Variants in EP400 observed in about 807,000 individuals in gnomAD.
EP400 encodes the protein E1A binding protein p400.
EP400 carries 105 observed loss-of-function variants against 354.1 expected under a neutral mutation model. The ratio of observed to expected loss-of-function variants is 0.30; its 90% CI spans 0.25 to 0.35. The LOEUF is 0.35. EP400 is among the 10% of genes least tolerant of loss of function. The probability of loss-of-function intolerance (pLI) is 1.00; values close to 1 mark genes in which losing one functional copy is unlikely to be tolerated. For synonymous variants in EP400, 1,646 were observed against 1,716.9 expected, an observed-to-expected ratio of 0.96 and a Z score of 1.02; for missense variants, 3,280 against 4,121.0, an observed-to-expected ratio of 0.80 and a Z score of 5.59.
chr12:132,035,838 C>T (rs542106124), intron 30 of EP400, among the ~76,000 whole-genome samples: 56 of 144,036 alleles, frequency 3.9e-4, no homozygotes, highest in African/African-American at 1.4e-3. Context: ...AAGGACACAC[C>T]CAGGTTCACA....
At chr12:132,014,997 G>A (rs551329844) in intron 19 of EP400, among the ~76,000 whole-genome samples, 1 of 152,228 alleles carries the variant, frequency 6.6e-6, no homozygotes, top group Middle Eastern at 3.4e-3. Context: ...CTCTGCTCTG[G>A]GTCTCCCTCT....
intron 15 of EP400, among the ~76,000 whole-genome samples, chr12:132,007,090 A>G (rs1015378949): frequency 6.6e-6 from 1 of 152,220 alleles, no homozygotes; most frequent in African/African-American, 2.4e-5. Context: ...GTGAAAATCT[A>G]ATAAAATACA....
At chr12:132,063,413 A>G (rs1279446897) in intron 47 of EP400, among the ~76,000 whole-genome samples, 1 of 152,130 alleles carries the variant, frequency 6.6e-6, no homozygotes, top group Non-Finnish European at 1.5e-5. Context: ...AGGCCCAAGA[A>G]TCGCTTGAAC....
At position 132,044,713 on chromosome 12, in the gene EP400, C is replaced by A. The variant is rs777482044; in HGVS notation, c.6628C>A (p.Pro2210Thr). The change falls in exon 36 of 53, where the codon CCG (proline) becomes ACG (threonine). Residue 2210 changes from proline to threonine, a missense_variant and splice_region_variant. Pro to Thr is a conservative substitution (Grantham distance 38, BLOSUM62 -1). Coordinates refer to ENST00000389561, the MANE Select transcript of EP400 (RefSeq NM_015409.5). ...TGTCGATGGGCAGACAGAAGTCATG[C>A]CGGTGAGTGCTGCCCTCTCCCTTTG... ...EDVDGQTEVM[P>T]LWTPPTPPQD... 1.1e-4 allele frequency: 171 copies of A among 1,614,076 alleles called. 1 individual carries two copies. Among genetic ancestry groups the A allele is most frequent in the Non-Finnish European group, 1.4e-4 (168 of 1,180,048 alleles).
chr12:131,950,332 G>T (rs1213422974), intron 1 of EP400, among the ~76,000 whole-genome samples: 1 of 152,136 alleles, frequency 6.6e-6, no homozygotes, highest in Non-Finnish European at 1.5e-5. Context: ...CGTGGCCGAG[G>T]GCAGCTCGGC....
chr12:132,068,177 T>A (rs1201674809), intron 50 of EP400: 2 of 152,556 alleles, frequency 1.3e-5, no homozygotes, highest in East Asian at 3.9e-4. Flanking sequence ...GGATGGCTGG[T>A]GTGGGCCCTC....
chr12:132,022,774 C>T (rs1460457746), intron 23 of EP400, among the ~76,000 whole-genome samples: 4 of 151,158 alleles, frequency 2.6e-5, no homozygotes, highest in Admixed American at 6.6e-5. Context: ...CTTTATGTAT[C>T]TAGAGGCATT....
intron 2 of EP400, among the ~76,000 whole-genome samples, chr12:131,979,341 G>C (rs1345388995): frequency 1.3e-5 from 2 of 152,208 alleles, no homozygotes; most frequent in South Asian, 2.1e-4. Context: ...ATGCTGGGCA[G>C]TGTGACTGAT....
chr12:132,053,966 G>T (rs1895396776), intron 43 of EP400, among the ~76,000 whole-genome samples: 1 of 152,236 alleles, frequency 6.6e-6, no homozygotes, highest in Non-Finnish European at 1.5e-5. Context: ...AGCAGGTACT[G>T]CCTGTGTCGG....
chr12:131,952,511 G>T (rs1435006945), intron 1 of EP400, among the ~76,000 whole-genome samples: 1 of 151,958 alleles, frequency 6.6e-6, no homozygotes, highest in Non-Finnish European at 1.5e-5. Flanking sequence ...CACCCAGGCT[G>T]GAGTGCAGTG....
chr12:131,958,893 G>A (rs1891788201), intron 1 of EP400, among the ~76,000 whole-genome samples: 1 of 152,210 alleles, frequency 6.6e-6, no homozygotes, highest in Non-Finnish European at 1.5e-5. Flanking sequence ...AAGCAGTGAT[G>A]TCCTTGCGAT....
chr12:132,054,945 A>T lies in EP400; in HGVS notation c.7729-29A>T, dbSNP rs564794613. 1.2e-6 allele frequency: 2 copies of T among 1,609,934 alleles called. No individual in the cohort carries two copies. Among genetic ancestry groups the T allele is most frequent in the Admixed American group, 3.3e-5 (2 of 59,862 alleles). On this transcript the variant is annotated intron_variant, in intron 43 of 52. Transcript: ENST00000389561. This position sits in a 1 kb window ranked among gnomAD's most constrained non-coding sequence, Gnocchi z 4.0. ...TATGCAGGGGAGAGCCTGACGTGAA[A>T]TTCAAATGGATTTTTTTTTTTTAAA...
chr12:132,037,808 A>G lies in EP400; in HGVS notation c.6063+15A>G, dbSNP rs188880727. Reference sequence around the variant, plus strand: ...TCTTAACTCAGGTACTCCTTATTCAATGAGAGGCCTGAGGTGAGACCCGCC... The same window carrying G: ...TCTTAACTCAGGTACTCCTTATTCAGTGAGAGGCCTGAGGTGAGACCCGCC... On this transcript the variant is annotated intron_variant, in intron 31 of 52. Transcript: ENST00000389561. 7.5e-5 allele frequency: 121 copies of G among 1,613,774 alleles called. No individual in the cohort carries two copies. Among genetic ancestry groups the G allele is most frequent in the Admixed American group, 4.3e-4 (26 of 60,022 alleles).
intron 2 of EP400, among the ~76,000 whole-genome samples, chr12:131,973,471 A>G (rs1448652927): frequency 6.6e-6 from 1 of 152,132 alleles, no homozygotes; most frequent in Non-Finnish European, 1.5e-5. Context: ...GCAAAACCCC[A>G]TCTCTACCAA....
At position 132,078,710 on chromosome 12, in the gene EP400, G is replaced by A. The variant is rs1326114219; in HGVS notation, c.*1037G>A. 6.6e-6 allele frequency: 1 copy of A among 152,242 alleles called. No individual in the cohort carries two copies. The highest frequency in any genetic ancestry group is 2.4e-5 in the African/African-American group (1 of 41,458). The allele number at this position is 152,242 out of a possible 1,614,324, so 9.4% of individuals were successfully genotyped here. On this transcript the variant is annotated 3_prime_UTR_variant, in exon 53 of 53. Coordinates refer to ENST00000389561, the MANE Select transcript of EP400 (RefSeq NM_015409.5). ...GATTCTGGAAGTATTGGCTATAGCG[G>A]TGGGCCCAGTCAACTCTTCCTTGTG...
chr12:131,986,560 C>G lies in EP400; in HGVS notation c.1976C>G (p.Pro659Arg), dbSNP rs199885825. Reference protein sequence around the residue: ...RLPVDPAPPCPRPLPTSSTSS... With the variant: ...RLPVDPAPPCRRPLPTSSTSS... ...CCTGTGGACCCTGCCCCGCCCTGCCCACGGCCTCTGCCCACCTCTTCTACC... is the reference window on the plus strand; with the variant it reads ...CCTGTGGACCCTGCCCCGCCCTGCCGACGGCCTCTGCCCACCTCTTCTACC... The change falls in exon 6 of 53, where the codon CCA becomes CGA. Residue 659 changes from proline (P) to arginine (R), a missense_variant. This residue lies in a region of EP400 where 800 missense variants were observed against 840.0 expected (regional missense o/e 0.95). Transcript: ENST00000389561. The G allele has an allele frequency of 1.2e-6, 2 of 1,613,718 alleles. No individual in the cohort carries two copies. The highest frequency in any genetic ancestry group is 1.7e-6 in the Non-Finnish European group (2 of 1,179,902).
intron 45 of EP400, among the ~76,000 whole-genome samples, chr12:132,057,275 G>A (rs1895544882): frequency 2.6e-5 from 4 of 152,212 alleles, no homozygotes; most frequent in Admixed American, 2.6e-4. Context: ...CCTTCAGCTG[G>A]TGAATGGGCT....
chr12:132,030,741 G>C (rs896374788), intron 29 of EP400, among the ~76,000 whole-genome samples: 2 of 152,218 alleles, frequency 1.3e-5, no homozygotes, highest in African/African-American at 4.8e-5. Context: ...TTGTTGAAAT[G>C]TTTATGGTAA....
In EP400 at chr12:132,050,246, C is replaced by A. The variant is rs904110233; in HGVS notation, c.7201-77C>A. On this transcript the variant is annotated intron_variant, in intron 39 of 52. Transcript: ENST00000389561. The surrounding 1 kb of genome is among the most constrained non-coding windows in gnomAD (Gnocchi z 4.8). ...GGGGAGTTTAGCCTCAGATTCCCAC[C>A]CAGTGAGCCCTGTGTCCCACGCAGC... 6 of 1,545,824 alleles carry A rather than the reference C, an allele frequency of 3.9e-6. No individual in the cohort carries two copies. The highest frequency in any genetic ancestry group is 5.3e-6 in the Non-Finnish European group (6 of 1,138,150).
Sources: gnomAD v4.1 joint callset for allele counts (sites outside exome capture counted in the v4.1 genomes callset) on GRCh38, gnomAD v4.1.1 for gene constraint, gnomAD v4.1.1 regional missense constraint, Gnocchi (gnomAD v3.1) non-coding constraint, MANE v1.5 for transcripts, NCBI Gene and HGNC (gene_info 2026-07-23, HGNC 2026-07-21) for gene names.